Variants in DSN1 observed in about 807,000 individuals in gnomAD.
The protein encoded by DSN1 is DSN1 component of MIS12 kinetochore complex, also known as kinetochore-associated protein DSN1 homolog.
A neutral mutation model predicts 45.7 loss-of-function variants in DSN1; 31 were observed. The ratio of observed to expected loss-of-function variants is 0.68; its 90% CI spans 0.51 to 0.92. The LOEUF (loss-of-function observed/expected upper bound fraction) is 0.92, where lower values mean the gene tolerates loss of function less well. Ranked by LOEUF, DSN1 falls within the 40% of genes least tolerant of loss-of-function variation. DSN1 has a pLI of 0.00. For missense variants in DSN1, 394 were observed against 414.2 expected (o/e 0.95, Z 0.42); for synonymous variants, 134 against 142.3 (o/e 0.94, Z 0.41).
At chr20:36,753,926 A>C (rs1281619513) in intron 10 of DSN1, among the ~76,000 whole-genome samples, 1 of 151,946 alleles carries the variant, frequency 6.6e-6, no homozygotes, top group Non-Finnish European at 1.5e-5. Context: ...GAATCCCTTG[A>C]ACCCGGGAAG....
chr20:36,758,848 C>T (rs1046707008), intron 6 of DSN1, among the ~76,000 whole-genome samples: 7 of 151,408 alleles, frequency 4.6e-5, no homozygotes, highest in South Asian at 2.1e-4. Flanking sequence ...CCACCACGCC[C>T]GGCTAATTTT....
intron 10 of DSN1, among the ~76,000 whole-genome samples, chr20:36,753,730 G>A (rs930657298): frequency 6.6e-6 from 1 of 151,858 alleles, no homozygotes; most frequent in African/African-American, 2.4e-5. Context: ...ATGGAGGCTG[G>A]GAGCAGTGGC....
chr20:36,761,276 T>C (rs1166867433), intron 6 of DSN1, among the ~76,000 whole-genome samples: 1 of 152,170 alleles, frequency 6.6e-6, no homozygotes, highest in Non-Finnish European at 1.5e-5. Context: ...CCAGCTAAAG[T>C]TGCCCACCCC....
chr20:36,765,277 C>G (rs62208062), intron 5 of DSN1, among the ~76,000 whole-genome samples: 1 of 139,790 alleles, frequency 7.2e-6, no homozygotes, highest in African/African-American at 2.9e-5. Context: ...AAAAAAAGGC[C>G]AGATGCAGTG....
At chr20:36,763,410 GAAAAAA>G (rs71186016) in intron 5 of DSN1, among the ~76,000 whole-genome samples, 33 of 84,100 alleles carry the variant, frequency 3.9e-4, no homozygotes, top group African/African-American at 1.2e-3. Flanking sequence ...CTCAAAAAAA[GAAAAAA>G]AAAAAAAAAA....
At chr20:36,771,223 C>G (rs747679347) in intron 2 of DSN1, 30 bp from the exon 3 acceptor site, 3 of 1,538,552 alleles carry the variant, frequency 1.9e-6, no homozygotes, top group African/African-American at 2.7e-5. Context: ...AGTCAAAATA[C>G]AAGATCAAGC....
intron 5 of DSN1, among the ~76,000 whole-genome samples, chr20:36,765,508 T>C (rs1318554585): frequency 6.6e-6 from 1 of 150,996 alleles, no homozygotes; most frequent in South Asian, 2.1e-4. Context: ...TGAGCCAAGA[T>C]TGCACCACTG....
chr20:36,768,371 C>T (rs989398236), intron 3 of DSN1, among the ~76,000 whole-genome samples: 1 of 152,096 alleles, frequency 6.6e-6, no homozygotes, highest in Non-Finnish European at 1.5e-5. Context: ...GGTGAAATCC[C>T]GTCTCTACTA....
rs1382337763 is a variant in DSN1, at chr20:36,762,390, C to G, written c.590+71G>C. 4 of 1,426,850 alleles carry G rather than the reference C, an allele frequency of 2.8e-6. No homozygotes were observed. The Admixed American group carries it at 5.9e-5, about 21-fold the overall frequency. 88.4% of individuals were successfully genotyped at this position (1,426,850 alleles called of 1,614,324 possible). ...CTCCCAAAGTGCTGGGATTACAGGCCTGAGCCACCAACGCCCGGCCTAAAG... is the reference window on the plus strand; with the variant it reads ...CTCCCAAAGTGCTGGGATTACAGGCGTGAGCCACCAACGCCCGGCCTAAAG... On this transcript the variant is annotated intron_variant, in intron 6 of 10. Transcript: ENST00000373750.
intron 5 of DSN1, 27 bp from the exon 6 acceptor site, chr20:36,762,575 A>G (rs1481603341): frequency 1.3e-6 from 2 of 1,595,528 alleles, no homozygotes; most frequent in Non-Finnish European, 1.7e-6. Context: ...TACGTGTCAT[A>G]AAATAAAGGA....
intron 5 of DSN1, among the ~76,000 whole-genome samples, chr20:36,763,293 T>C (rs1197430468): frequency 1.3e-5 from 2 of 150,466 alleles, no homozygotes; most frequent in African/African-American, 4.9e-5. Flanking sequence ...TAATCCCGGC[T>C]ACTCGGGAGG....
At chr20:36,767,178 G>A (rs1397599474) in intron 4 of DSN1, among the ~76,000 whole-genome samples, 4 of 151,718 alleles carry the variant, frequency 2.6e-5, no homozygotes, top group East Asian at 1.9e-4. Flanking sequence ...ATGGTGGCGC[G>A]TGCCTGTAGT....
At chr20:36,756,036 C>A (rs1173920129) in intron 8 of DSN1, among the ~76,000 whole-genome samples, 6 of 151,662 alleles carry the variant, frequency 4.0e-5, no homozygotes, top group African/African-American at 1.5e-4. Flanking sequence ...TGCAGTGGTG[C>A]GGTCTCAGGT....
chr20:36,769,485 T>C (rs556870035), intron 3 of DSN1, among the ~76,000 whole-genome samples: 15 of 152,292 alleles, frequency 9.8e-5, no homozygotes, highest in Admixed American at 2.0e-4. Context: ...GCACTGATGT[T>C]TTCTCAGCAC....
At chr20:36,766,742 A>C in intron 5 of DSN1, 27 bp downstream of exon 5, 1 of 1,597,608 alleles carries the variant, frequency 6.3e-7, no homozygotes, top group Non-Finnish European at 8.5e-7. Context: ...CCCAGGGTCA[A>C]AGCTCACTCA....
chr20:36,761,038 AT>A (rs1986953155), intron 6 of DSN1, among the ~76,000 whole-genome samples: 1 of 152,216 alleles, frequency 6.6e-6, no homozygotes, highest in Non-Finnish European at 1.5e-5. Context: ...CTGGGTGGAA[AT>A]TAGGGTGTTA....
At chr20:36,753,091 C>T (rs1018960815) in intron 10 of DSN1, among the ~76,000 whole-genome samples, 194 bp from the exon 11 acceptor site, 4 of 152,012 alleles carry the variant, frequency 2.6e-5, no homozygotes, top group Non-Finnish European at 5.9e-5. Flanking sequence ...CGCCTGTAAT[C>T]CCAGCACTTT....
At chr20:36,753,495 A>C (rs1986488753) in intron 10 of DSN1, among the ~76,000 whole-genome samples, 1 of 150,602 alleles carries the variant, frequency 6.6e-6, no homozygotes, top group South Asian at 2.1e-4. Context: ...AAAATTAGCC[A>C]GGCATGGTGG....
rs188106385 is a variant in DSN1, at chr20:36,764,320, G to T, written c.503-1772C>A. Reference sequence around the variant, plus strand: ...CAGGTGAAGAACACTAAGGGGAAAGGCTATGTTAATTAGTTATCAGGATAA... The same window carrying T: ...CAGGTGAAGAACACTAAGGGGAAAGTCTATGTTAATTAGTTATCAGGATAA... On this transcript the variant is annotated intron_variant, in intron 5 of 10. Transcript: ENST00000373750. 5.3e-5 allele frequency among the ~76,000 whole-genome samples: 8 copies of T among 152,228 alleles called. No individual in the cohort carries two copies. In the South Asian group the frequency reaches 1.7e-3, roughly 32 times the overall value.
Sources: allele counts gnomAD v4.1 joint callset (sites outside exome capture counted in the v4.1 genomes callset), GRCh38; gene constraint gnomAD v4.1.1; transcripts MANE v1.5; gene names NCBI Gene and HGNC (gene_info 2026-07-23, HGNC 2026-07-21).